ASL: variants seen among roughly 807,000 people sequenced by gnomAD.
ASL encodes argininosuccinate lyase, also known as argininosuccinase.
ASL carries 51 observed loss-of-function variants against 69.1 expected under a neutral mutation model. The ratio of observed to expected loss-of-function variants is 0.74; its 90% CI spans 0.59 to 0.93. The LOEUF (loss-of-function observed/expected upper bound fraction) is 0.93. Among genes scored for constraint, ASL ranks in the 40% least tolerant of loss-of-function variants. The pLI is 0.00. For missense variants in ASL, 540 were observed against 623.9 expected, an observed-to-expected ratio of 0.87 and a Z score of 1.43; for synonymous variants, 241 against 247.6, an observed-to-expected ratio of 0.97 and a Z score of 0.25.
At chr7:66,075,983 C>G (rs985477836) in intron 1 of ASL, 56 bp from the exon 2 acceptor site, 3 of 1,511,416 alleles carry the variant, frequency 2.0e-6, no homozygotes, top group Non-Finnish European at 9.0e-7. Context: ...CGGAGCCAGC[C>G]CGGCCCGGGG....
chr7:66,091,937 G>A, intron 14 of ASL, 69 bp from the exon 15 acceptor site: 1 of 1,547,972 alleles, frequency 6.5e-7, no homozygotes. Context: ...CAGAGGGGCA[G>A]GTCCTGGGCC....
intron 2 of ASL, among the ~76,000 whole-genome samples, chr7:66,076,934 C>A (rs1786363753): frequency 6.6e-6 from 1 of 152,146 alleles, no homozygotes; most frequent in Non-Finnish European, 1.5e-5. Flanking sequence ...CAATGCCCTG[C>A]AAGCTCAGTG....
chr7:66,091,559 C>T (rs1198525878), intron 14 of ASL, among the ~76,000 whole-genome samples: 2 of 149,112 alleles, frequency 1.3e-5, no homozygotes, highest in Non-Finnish European at 3.0e-5. Flanking sequence ...CAAAAAAGCC[C>T]AAAACAACAA....
intron 2 of ASL, among the ~76,000 whole-genome samples, chr7:66,080,108 T>C (rs1164896527): frequency 6.6e-6 from 1 of 150,798 alleles, no homozygotes; most frequent in Non-Finnish European, 1.5e-5. Context: ...AAAGGCCGGG[T>C]GTGGTGGCTC....
chr7:66,084,020 T>A (rs1400801371), intron 6 of ASL, among the ~76,000 whole-genome samples: 1 of 152,204 alleles, frequency 6.6e-6, no homozygotes, highest in East Asian at 1.9e-4. Flanking sequence ...CAACTCCCTG[T>A]GACCCCTGTT....
At chr7:66,075,963 G>T (rs1200199052) in intron 1 of ASL, 76 bp from the exon 2 acceptor site, 2 of 1,397,538 alleles carry the variant, frequency 1.4e-6, no homozygotes, top group Non-Finnish European at 9.9e-7. Context: ...CAAGCGCAGT[G>T]CCCAGAACTC....
Position 66,089,669 on chromosome 7 carries a change from G to T in ASL, c.1036G>T (p.Ala346Ser). 1.2e-6 allele frequency: 2 copies of T among 1,613,860 alleles called. No homozygotes were observed. The highest frequency in any genetic ancestry group is 1.7e-6 in the Non-Finnish European group (2 of 1,180,020). Residue 346 changes from alanine to serine, a missense_variant, in exon 14 of 17, where the codon GCC (alanine) becomes TCC (serine). Ala to Ser is a moderately conservative substitution (Grantham distance 99). Coordinates refer to ENST00000304874, the MANE Select transcript of ASL (RefSeq NM_000048.4). ...SDTMSAVLQV[A>S]TGVISTLQIH... ...CACTATGAGTGCCGTGCTCCAGGTG[G>T]CCACTGGCGTCATCTCTACGCTGCA... is the stretch of plus-strand genomic sequence containing the variant.
intron 14 of ASL, among the ~76,000 whole-genome samples, chr7:66,090,003 C>T (rs1420536833): frequency 2.6e-5 from 4 of 152,176 alleles, no homozygotes; most frequent in African/African-American, 9.7e-5. Context: ...TTTGGGAGGC[C>T]GAGGCAGATG....
intron 2 of ASL, among the ~76,000 whole-genome samples, chr7:66,076,926 ATGCCCTGCAAGCTCAG>A (rs1562734126): frequency 6.6e-6 from 1 of 151,946 alleles, no homozygotes; most frequent in African/African-American, 2.4e-5. Context: ...CTCTTTCTCA[ATGCCCTGCAAGCTCAG>A]TGCCCTGCAA....
intron 6 of ASL, 68 bp from the exon 7 acceptor site, chr7:66,086,517 G>A (rs1369358416): frequency 6.5e-7 from 1 of 1,548,570 alleles, no homozygotes; most frequent in East Asian, 2.2e-5. Context: ...CAGGCCTGCA[G>A]GGTTCCAGTG....
Position 66,092,044 on chromosome 7 carries a change from C to A in ASL, c.1101C>A (p.Asp367Glu), listed in dbSNP as rs199891488. 2 of 1,613,538 alleles carry A rather than the reference C, an allele frequency of 1.2e-6. No homozygotes were observed. Among genetic ancestry groups the A allele is most frequent in the Non-Finnish European group, 8.5e-7 (1 of 1,180,026 alleles). The change falls in exon 15 of 17, where the codon GAC (aspartate) becomes GAA (glutamate). Residue 367 changes from aspartate to glutamate, a missense_variant. Coordinates refer to ENST00000304874, the MANE Select transcript of ASL (RefSeq NM_000048.4). ...ACATGGGACAGGCTCTCAGCCCCGA[C>A]ATGCTGGCCACTGACCTTGCCTATT... Reference protein sequence around the residue: ...QENMGQALSPDMLATDLAYYL... With the variant: ...QENMGQALSPEMLATDLAYYL...
At position 66,091,953 on chromosome 7, in the gene ASL, G is replaced by A; in HGVS notation, c.1063-53G>A. On this transcript the variant is annotated intron_variant, in intron 14 of 16. Coordinates refer to ENST00000304874, the MANE Select transcript of ASL (RefSeq NM_000048.4). ...AGAGGGGCAGGTCCTGGGCCTGGCAGCTTCAGATCCCAGGGTCCCCAGGGC... is the reference window on the plus strand; with the variant it reads ...AGAGGGGCAGGTCCTGGGCCTGGCAACTTCAGATCCCAGGGTCCCCAGGGC... 1.9e-6 allele frequency: 3 copies of A among 1,600,862 alleles called. No homozygotes were observed. In the Admixed American group the frequency reaches 5.0e-5, roughly 27 times the overall value.
chr7:66,088,906 T>C lies in ASL; in HGVS notation c.818T>C (p.Leu273Pro). ...ACCAAGGAATTCAGCTTCGTGCAGC[T>C]CTCAGATGCCTACAGGTAAGCCCTG... Reference protein sequence around the residue: ...YCTKEFSFVQLSDAYSTGSSL... With the variant: ...YCTKEFSFVQPSDAYSTGSSL... Residue 273 changes from leucine (L) to proline (P), a missense_variant, in exon 11 of 17, where the codon CTC (leucine) becomes CCC (proline). Physicochemically the swap from Leu to Pro is moderately conservative, Grantham distance 98. Transcript: ENST00000304874. The C allele has an allele frequency of 6.2e-7, 1 of 1,613,902 alleles. No homozygotes were observed. The highest frequency in any genetic ancestry group is 8.5e-7 in the Non-Finnish European group (1 of 1,179,952).
At chr7:66,090,244 T>C (rs559224382) in intron 14 of ASL, among the ~76,000 whole-genome samples, 8 of 151,966 alleles carry the variant, frequency 5.3e-5, no homozygotes, top group Non-Finnish European at 8.8e-5. Flanking sequence ...TCTACAAATA[T>C]ATAAATTAAA....
At chr7:66,075,982 C>A in intron 1 of ASL, 57 bp from the exon 2 acceptor site, 1 of 1,514,212 alleles carries the variant, frequency 6.6e-7, no homozygotes, top group Non-Finnish European at 9.0e-7. Context: ...TCGGAGCCAG[C>A]CCGGCCCGGG....
At chr7:66,088,646 C>T (rs1177987119) in intron 10 of ASL, among the ~76,000 whole-genome samples, 161 bp from the exon 11 acceptor site, 4 of 152,124 alleles carry the variant, frequency 2.6e-5, no homozygotes, top group African/African-American at 9.7e-5. Flanking sequence ...TGCTTGAGCC[C>T]ACAAGTTTCA....
intron 2 of ASL, among the ~76,000 whole-genome samples, chr7:66,080,004 G>A (rs1019652917): frequency 2.6e-5 from 4 of 152,008 alleles, no homozygotes; most frequent in Non-Finnish European, 4.4e-5. Flanking sequence ...AGGATTGGTT[G>A]AGACCAGGAG....
At position 66,092,960 on chromosome 7, in the gene ASL, CTGTG is replaced by C; in HGVS notation, c.*52_*55del. On this transcript the variant is annotated 3_prime_UTR_variant, in exon 17 of 17. Coordinates refer to ENST00000304874, the MANE Select transcript of ASL (RefSeq NM_000048.4). ...ATAAAGTGGGCGCGAGAGGAGGCTG[CTGTG>C]TGTTTCCTGCCCCAGCCTGGCTCCC... The C allele has an allele frequency of 6.4e-7, 1 of 1,563,136 alleles. No individual in the cohort carries two copies. The highest frequency in any genetic ancestry group is 8.6e-7 in the Non-Finnish European group (1 of 1,162,438).
intron 2 of ASL, among the ~76,000 whole-genome samples, chr7:66,076,376 C>T (rs1425234316): frequency 6.6e-6 from 1 of 152,174 alleles, no homozygotes; most frequent in Non-Finnish European, 1.5e-5. Context: ...GTGATGCCTG[C>T]CTGGCCAGGA....
Sources: allele counts gnomAD v4.1 joint callset (sites outside exome capture counted in the v4.1 genomes callset), GRCh38; gene constraint gnomAD v4.1.1; transcripts MANE v1.5; gene names NCBI Gene and HGNC (gene_info 2026-07-23, HGNC 2026-07-21).